The following PLGRKT variants were observed in gnomAD, a reference collection of about 807,000 sequenced individuals.
PLGRKT encodes the protein plasminogen receptor (KT).
PLGRKT carries 22 observed loss-of-function variants against 18.5 expected under a neutral mutation model. The ratio of observed to expected loss-of-function variants is 1.19; its 90% CI spans 0.85 to 1.70. The LOEUF is 1.70. PLGRKT is among the 40% of genes most tolerant of loss of function. The pLI is 0.00. For synonymous variants in PLGRKT, 72 were observed against 52.8 expected (o/e 1.36, Z -1.58); for missense variants, 235 against 174.4 (o/e 1.35, Z -1.96).
chr9:5,358,388 G>T, intron 5 of PLGRKT, 28 bp from the exon 6 acceptor site: 1 of 1,609,334 alleles, frequency 6.2e-7, no homozygotes, highest in Non-Finnish European at 8.5e-7. Flanking sequence ...AATACACAAG[G>T]TGACAAAGGG....
chr9:5,404,796 A>G (rs1818224217), intron 3 of PLGRKT, among the ~76,000 whole-genome samples: 1 of 152,176 alleles, frequency 6.6e-6, no homozygotes, highest in Non-Finnish European at 1.5e-5. Flanking sequence ...GGCAAGAGAA[A>G]GAAATAAAGT....
intron 3 of PLGRKT, among the ~76,000 whole-genome samples, chr9:5,409,589 G>A (rs958403537): frequency 6.6e-6 from 1 of 152,188 alleles, no homozygotes. Context: ...CCCTGCTCCT[G>A]GAAAAGCCAC....
At chr9:5,358,531 AG>A (rs1414382583) in intron 5 of PLGRKT, among the ~76,000 whole-genome samples, 171 bp from the exon 6 acceptor site, 1 of 152,144 alleles carries the variant, frequency 6.6e-6, no homozygotes, top group East Asian at 1.9e-4. Context: ...GAGGAAACAC[AG>A]TGATGAATTC....
intron 5 of PLGRKT, among the ~76,000 whole-genome samples, chr9:5,360,744 G>T (rs1489353262): frequency 6.6e-6 from 1 of 152,168 alleles, no homozygotes; most frequent in Admixed American, 6.6e-5. Flanking sequence ...AGAAACAGAT[G>T]AGTTCTGTTT....
At chr9:5,394,556 G>A (rs1385556170) in intron 3 of PLGRKT, among the ~76,000 whole-genome samples, 2 of 151,862 alleles carry the variant, frequency 1.3e-5, no homozygotes, top group Non-Finnish European at 2.9e-5. Flanking sequence ...GGGATTACAG[G>A]CGCCCACCAC....
intron 3 of PLGRKT, among the ~76,000 whole-genome samples, chr9:5,393,371 A>G (rs1404468065): frequency 6.6e-6 from 1 of 151,806 alleles, no homozygotes; most frequent in African/African-American, 2.4e-5. Flanking sequence ...GTTTTTTTCT[A>G]TGGTTACTGT....
rs554341982 is a variant in PLGRKT at position 5,377,687 on chromosome 9, G to A, written c.82-15799C>T. Among the ~76,000 whole-genome samples the A allele has an allele frequency of 1.6e-4, 25 of 152,232 alleles. 1 individual carries two copies. The highest frequency in any genetic ancestry group is 2.2e-4 in the Non-Finnish European group (15 of 68,024). On this transcript the variant is annotated intron_variant, in intron 3 of 5. Transcript: ENST00000223864. Reference sequence around the variant, plus strand: ...GGACTATTCTGCCTATAAGAATGCCGGAGAAGCTCCAAGCTTGGAAATAAT... The same window carrying A: ...GGACTATTCTGCCTATAAGAATGCCAGAGAAGCTCCAAGCTTGGAAATAAT...
chr9:5,378,752 C>CA (rs959662502), intron 3 of PLGRKT, among the ~76,000 whole-genome samples: 32 of 150,152 alleles, frequency 2.1e-4, no homozygotes, highest in Admixed American at 5.3e-4. Flanking sequence ...GTTGGGAATA[C>CA]AAAAAAAAAT....
At chr9:5,393,086 C>G (rs951535897) in intron 3 of PLGRKT, among the ~76,000 whole-genome samples, 1 of 151,824 alleles carries the variant, frequency 6.6e-6, no homozygotes, top group African/African-American at 2.4e-5. Context: ...AGGTGATCCA[C>G]CCGCCTCAGC....
chr9:5,361,049 A>G, intron 5 of PLGRKT, 29 bp downstream of exon 5: 1 of 1,117,082 alleles, frequency 9.0e-7, no homozygotes, highest in East Asian at 2.3e-5. Flanking sequence ...AAATCAGCAA[A>G]TAGAAACTCT....
chr9:5,410,825 A>G (rs1242285475), intron 3 of PLGRKT, among the ~76,000 whole-genome samples: 1 of 152,210 alleles, frequency 6.6e-6, no homozygotes, highest in Non-Finnish European at 1.5e-5. Flanking sequence ...AGCGTTTACA[A>G]ATGAACAATA....
chr9:5,435,144 C>T (rs1818934612), intron 2 of PLGRKT, among the ~76,000 whole-genome samples: 2 of 151,996 alleles, frequency 1.3e-5, no homozygotes, highest in South Asian at 4.2e-4. Context: ...GTCACCACCA[C>T]TCCCTAATCT....
chr9:5,360,191 TAGA>T lies in PLGRKT; in HGVS notation c.322+884_322+886del. Among the ~76,000 whole-genome samples, 5 of 152,354 alleles carry T rather than the reference TAGA, an allele frequency of 3.3e-5. No individual in the cohort carries two copies. In the East Asian group the frequency reaches 9.6e-4, roughly 29 times the overall value. ...GAACTGGATAATAGTTTTTCAATAT[TAGA>T]AGAATATTTCACCAACTTTTATGCT... On this transcript the variant is annotated intron_variant, in intron 5 of 5. Coordinates refer to ENST00000223864, the MANE Select transcript of PLGRKT (RefSeq NM_018465.4).
chr9:5,361,219 C>A (rs754284359), intron 4 of PLGRKT, 32 bp from the exon 5 acceptor site: 80 of 1,257,528 alleles, frequency 6.4e-5, no homozygotes, highest in Non-Finnish European at 8.6e-5. Context: ...GAACCAATAT[C>A]AAAAAATAAC....
rs1404003010 is a variant in PLGRKT at position 5,418,761 on chromosome 9, G to A, written c.81+13136C>T. The A allele has an allele frequency of 1.7e-5, 12 of 714,670 alleles. No individual in the cohort carries two copies. Among genetic ancestry groups the A allele is most frequent in the African/African-American group, 3.5e-5 (2 of 57,030 alleles). 44.3% of individuals were successfully genotyped at this position (714,670 alleles called of 1,614,324 possible). A position where few individuals can be genotyped will look rare whatever the true frequency, so the allele number is the denominator to read the frequency against. ...GAATGGTGATGACAGCCAGGACCTC[G>A]GGGTCGTCGAGGAGCTGCGACACGG... On this transcript the variant is annotated intron_variant, in intron 3 of 5. Coordinates refer to ENST00000223864, the MANE Select transcript of PLGRKT (RefSeq NM_018465.4). The surrounding 1 kb of genome is among the most constrained non-coding windows in gnomAD (Gnocchi z 4.2).
At chr9:5,371,646 C>T (rs1179826266) in intron 3 of PLGRKT, among the ~76,000 whole-genome samples, 4 of 152,108 alleles carry the variant, frequency 2.6e-5, no homozygotes, top group African/African-American at 9.7e-5. Flanking sequence ...TGAAAATGGA[C>T]TAATACAACT....
intron 3 of PLGRKT, among the ~76,000 whole-genome samples, chr9:5,393,026 G>C (rs904247714): frequency 6.6e-6 from 1 of 151,454 alleles, no homozygotes; most frequent in African/African-American, 2.4e-5. Flanking sequence ...ATTTTTATTA[G>C]AGACAGGATT....
At chr9:5,371,690 A>AGCTC (rs1393281889) in intron 3 of PLGRKT, among the ~76,000 whole-genome samples, 1 of 152,168 alleles carries the variant, frequency 6.6e-6, no homozygotes, top group Non-Finnish European at 1.5e-5. Context: ...TGAAAGTCAC[A>AGCTC]GCTCCTAACA....
chr9:5,367,836 A>G (rs1817428424), intron 3 of PLGRKT, among the ~76,000 whole-genome samples: 2 of 152,098 alleles, frequency 1.3e-5, no homozygotes, highest in Admixed American at 1.3e-4. Flanking sequence ...TGCAAATTAT[A>G]TATCTGACAA....
Sources: gnomAD v4.1 joint callset for allele counts (sites outside exome capture counted in the v4.1 genomes callset) on GRCh38, gnomAD v4.1.1 for gene constraint, Gnocchi (gnomAD v3.1) non-coding constraint, MANE v1.5 for transcripts, NCBI Gene and HGNC (gene_info 2026-07-23, HGNC 2026-07-21) for gene names.